Variants in LRBA observed in about 807,000 individuals in gnomAD.
LRBA encodes lipopolysaccharide-responsive and beige-like anchor protein.
Under a neutral mutation model 330.0 loss-of-function variants are expected in LRBA, and 176 were observed. That is an observed-to-expected ratio of 0.53 (90% confidence interval 0.47 to 0.60). The LOEUF (loss-of-function observed/expected upper bound fraction) is 0.60, where lower values mean the gene tolerates loss of function less well. Ranked by LOEUF, LRBA falls within the 20% of genes least tolerant of loss-of-function variation. The pLI is 0.00. For synonymous variants in LRBA, 1,230 were observed against 1,193.0 expected, an observed-to-expected ratio of 1.03 and a Z score of -0.64; for missense variants, 3,259 against 3,444.8, an observed-to-expected ratio of 0.95 and a Z score of 1.35.
chr4:151,013,785 T>C (rs1745124596), intron 2 of LRBA: 1 of 143,440 alleles, frequency 7.0e-6, no homozygotes, highest in South Asian at 2.3e-4. Context: ...CTGCTAGACA[T>C]GAATTTATAA....
intron 47 of LRBA, among the ~76,000 whole-genome samples, chr4:150,377,463 AC>A (rs1209494419): frequency 2.6e-5 from 4 of 152,164 alleles, no homozygotes; most frequent in Non-Finnish European, 2.9e-5. Context: ...AAATTAAAGG[AC>A]CCTTATACTA....
At chr4:150,797,497 T>C (rs1308533409) in intron 34 of LRBA, among the ~76,000 whole-genome samples, 1 of 151,968 alleles carries the variant, frequency 6.6e-6, no homozygotes, top group African/African-American at 2.4e-5. Context: ...GATTTTTATA[T>C]AAGTTTTTTT....
At chr4:150,314,233 G>A (rs1305238531) in intron 51 of LRBA, among the ~76,000 whole-genome samples, 3 of 152,014 alleles carry the variant, frequency 2.0e-5, no homozygotes, top group Non-Finnish European at 2.9e-5. Context: ...CTCAGCAAAT[G>A]GGCTTTATTA....
intron 2 of LRBA, among the ~76,000 whole-genome samples, chr4:150,935,292 C>G (rs1292258958): frequency 6.6e-6 from 1 of 151,882 alleles, no homozygotes; most frequent in African/African-American, 2.4e-5. Context: ...AACTTCAGCT[C>G]AAAATGTCAT....
At chr4:150,585,215 AC>A (rs1771952795) in intron 40 of LRBA, among the ~76,000 whole-genome samples, 1 of 152,222 alleles carries the variant, frequency 6.6e-6, no homozygotes, top group African/African-American at 2.4e-5. Flanking sequence ...AACAAAAAAT[AC>A]AATGGTTATA....
At chr4:150,726,513 G>A (rs964105360) in intron 36 of LRBA, among the ~76,000 whole-genome samples, 1 of 152,140 alleles carries the variant, frequency 6.6e-6, no homozygotes, top group Admixed American at 6.5e-5. Context: ...ACCCAAGACT[G>A]GGTAATTTAT....
intron 35 of LRBA, 112 bp from the exon 36 acceptor site, chr4:150,735,478 A>G: frequency 4.1e-6 from 3 of 729,000 alleles, no homozygotes; most frequent in Non-Finnish European, 7.2e-6. Context: ...TTTTGACATC[A>G]TACACAATGA....
chr4:150,320,732 A>C (rs558848583), intron 50 of LRBA, among the ~76,000 whole-genome samples: 12 of 152,260 alleles, frequency 7.9e-5, no homozygotes, highest in African/African-American at 2.9e-4. Context: ...GCTTGTGCCC[A>C]GGAGTTCAAG....
intron 47 of LRBA, among the ~76,000 whole-genome samples, chr4:150,368,026 T>A (rs1200254100): frequency 6.6e-6 from 1 of 152,180 alleles, no homozygotes; most frequent in Admixed American, 6.5e-5. Flanking sequence ...AAGGCCACCA[T>A]GTGCTATAAA....
intron 48 of LRBA, among the ~76,000 whole-genome samples, chr4:150,346,832 T>C (rs1736427638): frequency 6.7e-6 from 1 of 149,618 alleles, no homozygotes; most frequent in Non-Finnish European, 1.5e-5. Context: ...AACTTGGAAT[T>C]ATCACATAAT....
chr4:150,310,068 T>C (rs1730859400), intron 52 of LRBA, among the ~76,000 whole-genome samples, 161 bp downstream of exon 52: 1 of 152,104 alleles, frequency 6.6e-6, no homozygotes, highest in Non-Finnish European at 1.5e-5. Context: ...CTATATATAG[T>C]AGATTATTAT....
chr4:150,320,354 G>A (rs1732320933), intron 50 of LRBA, among the ~76,000 whole-genome samples: 1 of 152,070 alleles, frequency 6.6e-6, no homozygotes, highest in Non-Finnish European at 1.5e-5. Flanking sequence ...ACTGTGTTGA[G>A]CATTTAATGG....
chr4:150,405,885 T>C (rs996620104), intron 47 of LRBA, among the ~76,000 whole-genome samples: 6 of 119,716 alleles, frequency 5.0e-5, no homozygotes, highest in Admixed American at 3.5e-4. Flanking sequence ...TGAGACCTCA[T>C]CTCTATGAAA....
chr4:150,513,549 A>C (rs1762046408), intron 40 of LRBA, among the ~76,000 whole-genome samples: 1 of 152,186 alleles, frequency 6.6e-6, no homozygotes, highest in African/African-American at 2.4e-5. Context: ...AAAATACTGC[A>C]GACTAGGTGG....
At chr4:150,637,174 T>C (rs767886089) in intron 37 of LRBA, among the ~76,000 whole-genome samples, 13 of 152,158 alleles carry the variant, frequency 8.5e-5, no homozygotes, top group Non-Finnish European at 1.9e-4. Flanking sequence ...GAATTATTCC[T>C]TCTAAAAAAA....
At chr4:150,288,508 G>A (rs1314114598) in intron 53 of LRBA, among the ~76,000 whole-genome samples, 6 of 152,072 alleles carry the variant, frequency 3.9e-5, no homozygotes, top group African/African-American at 1.4e-4. Flanking sequence ...AGAATTGCTT[G>A]AACCTGGGAG....
Position 150,315,567 on chromosome 4 carries a change from G to C in LRBA, c.7687C>G (p.Leu2563Val), listed in dbSNP as rs202014892. ...PYQLPVEIDP[L>V]IASNTGMHRR... is the part of the protein sequence containing the mutation. Reference sequence around the variant, plus strand: ...AGAGAAGGAAGTGACAGACCTATGAGAGGATCGATTTCCACTGGCAGCTGG... The same window carrying C: ...AGAGAAGGAAGTGACAGACCTATGACAGGATCGATTTCCACTGGCAGCTGG... The change falls in exon 51 of 57, where the codon CTC (leucine) becomes GTC (valine). Residue 2563 changes from leucine (L) to valine (V), a missense_variant. Transcript: ENST00000651943. 6.2e-7 allele frequency: 1 copy of C among 1,612,140 alleles called. No homozygotes were observed. Among genetic ancestry groups the C allele is most frequent in the Non-Finnish European group, 8.5e-7 (1 of 1,178,696 alleles).
At chr4:150,911,701 G>T (rs779015921) in intron 9 of LRBA, among the ~76,000 whole-genome samples, 1 of 152,008 alleles carries the variant, frequency 6.6e-6, no homozygotes, top group Non-Finnish European at 1.5e-5. Flanking sequence ...GGTAACACTG[G>T]CCTCATAAAA....
At chr4:150,696,010 T>G (rs1201743802) in intron 36 of LRBA, among the ~76,000 whole-genome samples, 1 of 152,078 alleles carries the variant, frequency 6.6e-6, no homozygotes, top group African/African-American at 2.4e-5. Context: ...AGCAAATCCC[T>G]TGAGGCCAGG....
Sources: gnomAD v4.1 joint callset for allele counts (sites outside exome capture counted in the v4.1 genomes callset) on GRCh38, gnomAD v4.1.1 for gene constraint, MANE v1.5 for transcripts, NCBI Gene and HGNC (gene_info 2026-07-23, HGNC 2026-07-21) for gene names.